ATP10B: variants seen among roughly 807,000 people sequenced by gnomAD.
The protein encoded by ATP10B is phospholipid-transporting ATPase VB.
In ATP10B, 122 loss-of-function variants were observed where a neutral mutation model predicts 141.2. The ratio of observed to expected loss-of-function variants is 0.86; its 90% CI spans 0.75 to 1.00. The LOEUF is 1.00. Among genes scored for constraint, ATP10B ranks in the 50% least tolerant of loss-of-function variants. The pLI is 0.00. For missense variants in ATP10B, 1,876 were observed against 1,825.3 expected (o/e 1.03, Z -0.51); for synonymous variants, 685 against 692.0 (o/e 0.99, Z 0.16).
the ATP10B span, among the ~76,000 whole-genome samples, chr5:160,865,559 C>A: frequency 1.3e-5 from 2 of 151,846 alleles, no homozygotes; most frequent in Non-Finnish European, 2.9e-5. Context: ...GCAACAAAAA[C>A]AAAAACAAAT....
Position 160,785,790 on chromosome 5 carries a change from T to G in ATP10B, c.-562A>C. On this transcript the variant is annotated 5_prime_UTR_variant, in exon 2 of 26. Transcript: ENST00000327245. ...ATGTCACCAGTCGGTTCTGATTCTC[T>G]TGTCAAAGGAAGCCTGCACGACACA... 26 of 739,602 alleles carry G rather than the reference T, an allele frequency of 3.5e-5. No individual in the cohort carries two copies. Among genetic ancestry groups the G allele is most frequent in the Non-Finnish European group, 4.5e-5 (24 of 530,266 alleles). 45.8% of individuals were successfully genotyped at this position (739,602 alleles called of 1,614,324 possible).
intron 13 of ATP10B, among the ~76,000 whole-genome samples, chr5:160,622,894 C>G (rs1758429000): frequency 1.3e-5 from 2 of 152,334 alleles, no homozygotes; most frequent in Non-Finnish European, 1.5e-5. Flanking sequence ...AGCCTCTAAA[C>G]TAATACTGTT....
intron 2 of ATP10B, among the ~76,000 whole-genome samples, chr5:160,769,492 C>T (rs1447287434): frequency 6.6e-6 from 1 of 152,150 alleles, no homozygotes; most frequent in East Asian, 1.9e-4. Flanking sequence ...CAGCCAATAG[C>T]CTGCAGGTGT....
intron 24 of ATP10B, among the ~76,000 whole-genome samples, chr5:160,579,647 T>C (rs749597111): frequency 2.6e-5 from 4 of 151,524 alleles, no homozygotes; most frequent in African/African-American, 4.8e-5. Context: ...CTTGTCTATA[T>C]GGGTTGTTTT....
At chr5:160,662,362 A>G (rs1178417658) in intron 7 of ATP10B, among the ~76,000 whole-genome samples, 1 of 152,258 alleles carries the variant, frequency 6.6e-6, no homozygotes, top group African/African-American at 2.4e-5. Flanking sequence ...AAAAGAACAA[A>G]GCTGGAGGCA....
intron 22 of ATP10B, among the ~76,000 whole-genome samples, chr5:160,598,311 C>G (rs1381364134): frequency 6.6e-6 from 1 of 152,012 alleles, no homozygotes; most frequent in Non-Finnish European, 1.5e-5. Flanking sequence ...ACCACATGTT[C>G]TCACTCATAG....
chr5:160,771,575 T>C (rs1320500331), intron 2 of ATP10B, among the ~76,000 whole-genome samples: 1 of 152,238 alleles, frequency 6.6e-6, no homozygotes, highest in Non-Finnish European at 1.5e-5. Flanking sequence ...TTGATGTACA[T>C]AGGTATAGTG....
rs1759369754 is a variant in ATP10B at position 160,636,305 on chromosome 5, G to A, written c.1005C>T (p.His335=). The A allele has an allele frequency of 1.2e-6, 2 of 1,612,830 alleles. No individual in the cohort carries two copies. The highest frequency in any genetic ancestry group is 8.5e-7 in the Non-Finnish European group (1 of 1,179,492). The part of the protein sequence containing the change: ...ILMCLIGAVG[H]SIWNGTFEEH... ...CTTCAAAGGTCCCATTCCAGATGCT[G>A]TGACCTGAGAGGAGGCAAAACCAGG... Residue 335 remains histidine (H), a synonymous_variant, in exon 11 of 26, where the codon CAC becomes CAT. Transcript: ENST00000327245.
intron 1 of ATP10B, among the ~76,000 whole-genome samples, chr5:160,827,081 T>A (rs1774663914): frequency 6.6e-6 from 1 of 152,212 alleles, no homozygotes; most frequent in African/African-American, 2.4e-5. Flanking sequence ...ACCTACACCC[T>A]GTTCCTACAC....
chr5:160,927,348 T>A, the ATP10B span, among the ~76,000 whole-genome samples: 101 of 152,188 alleles, frequency 6.6e-4, 1 homozygote, highest in Non-Finnish European at 1.4e-3. Flanking sequence ...ATACCTGGCA[T>A]CTAGAAGGAC....
Position 160,759,225 on chromosome 5 carries a change from C to A in ATP10B, c.-331+26334G>T, listed in dbSNP as rs1285990358. Among the ~76,000 whole-genome samples the A allele has an allele frequency of 2.0e-5, 3 of 152,134 alleles. No homozygotes were observed. In the East Asian group the frequency reaches 5.8e-4, roughly 29 times the overall value. ...TGAATCCAATTCTAGGCACAGACAC[C>A]ATTAAATATTTTGTATGCTTCATAA... is the stretch of plus-strand genomic sequence containing the variant. On this transcript the variant is annotated intron_variant, in intron 2 of 25. Coordinates refer to ENST00000327245, the MANE Select transcript of ATP10B (RefSeq NM_025153.3).
the ATP10B span, among the ~76,000 whole-genome samples, chr5:160,910,676 T>C: frequency 6.6e-6 from 1 of 152,236 alleles, no homozygotes; most frequent in African/African-American, 2.4e-5. Context: ...TCAGTAATTT[T>C]TGAGGCTATG....
At chr5:160,855,360 G>A (rs1461473634), upstream of ATP10B, among the ~76,000 whole-genome samples, 1 of 151,756 alleles carries the variant, frequency 6.6e-6, no homozygotes, top group African/African-American at 2.4e-5. Flanking sequence ...GTTTTAATTT[G>A]CATTTTCCTA....
chr5:160,695,144 T>C (rs1302791633), intron 3 of ATP10B, among the ~76,000 whole-genome samples: 1 of 152,204 alleles, frequency 6.6e-6, no homozygotes, highest in African/African-American at 2.4e-5. Context: ...ACTTTTATTG[T>C]AAGGATTAAA....
chr5:160,766,191 C>T (rs906468255), intron 2 of ATP10B, among the ~76,000 whole-genome samples: 2 of 152,208 alleles, frequency 1.3e-5, no homozygotes, highest in African/African-American at 4.8e-5. Context: ...ATTCAGCAAT[C>T]CCACTACTGT....
At chr5:160,906,729 T>C in the ATP10B span, among the ~76,000 whole-genome samples, 1 of 152,204 alleles carries the variant, frequency 6.6e-6, no homozygotes, top group Non-Finnish European at 1.5e-5. Flanking sequence ...CAGAGATCTG[T>C]CGGTACCCAG....
intron 1 of ATP10B, among the ~76,000 whole-genome samples, chr5:160,834,387 T>A (rs1775290146): frequency 6.6e-6 from 1 of 152,054 alleles, no homozygotes; most frequent in South Asian, 2.1e-4. Context: ...TAATAGGGCA[T>A]AACATCTGAT....
chr5:160,843,699 C>A (rs1237795516), intron 1 of ATP10B, among the ~76,000 whole-genome samples: 1 of 151,946 alleles, frequency 6.6e-6, no homozygotes, highest in African/African-American at 2.4e-5. Flanking sequence ...CATACTGTAA[C>A]AAAGACCAAT....
chr5:160,771,789 T>C (rs1769925043), intron 2 of ATP10B, among the ~76,000 whole-genome samples: 2 of 152,230 alleles, frequency 1.3e-5, no homozygotes, highest in Non-Finnish European at 2.9e-5. Flanking sequence ...GAAAAATGTA[T>C]CTGTGGTAGG....
Sources: allele counts gnomAD v4.1 joint callset (sites outside exome capture counted in the v4.1 genomes callset), GRCh38; gene constraint gnomAD v4.1.1; transcripts MANE v1.5; gene names NCBI Gene and HGNC (gene_info 2026-07-23, HGNC 2026-07-21).